CCDC171: variants seen among roughly 807,000 people sequenced by gnomAD.
CCDC171 encodes coiled-coil domain-containing protein 171.
CCDC171 carries 177 observed loss-of-function variants against 168.2 expected under a neutral mutation model. The observed-to-expected ratio is 1.05, with a 90% CI of 0.93 to 1.19. CCDC171 has a LOEUF of 1.19. Ranked by LOEUF, CCDC171 falls within the 50% of genes most tolerant of loss-of-function variation. CCDC171 has a pLI of 0.00. For missense variants in CCDC171, 1,991 were observed against 1,539.0 expected (o/e 1.29, Z -4.91); for synonymous variants, 687 against 540.8 (o/e 1.27, Z -3.75).
intron 3 of CCDC171, among the ~76,000 whole-genome samples, chr9:16,013,996 A>G (rs1832947282): frequency 6.6e-6 from 1 of 152,226 alleles, no homozygotes; most frequent in Non-Finnish European, 1.5e-5. Context: ...ATTTCTGAAA[A>G]TAAGACAACG....
At chr9:15,645,072 T>C (rs551810359) in intron 7 of CCDC171, among the ~76,000 whole-genome samples, 10 of 152,302 alleles carry the variant, frequency 6.6e-5, no homozygotes, top group African/African-American at 2.2e-4. Context: ...GGCAGCAACA[T>C]TGGCTGTTCA....
At chr9:16,076,246 A>AT in the CCDC171 span, among the ~76,000 whole-genome samples, 4 of 152,144 alleles carry the variant, frequency 2.6e-5, no homozygotes, top group African/African-American at 9.7e-5. Flanking sequence ...ACAGGTAATT[A>AT]TCCCTCAGAG....
chr9:15,597,262 G>A (rs972192551), intron 6 of CCDC171, among the ~76,000 whole-genome samples: 1 of 152,126 alleles, frequency 6.6e-6, no homozygotes, highest in Admixed American at 6.6e-5. Context: ...TGCCCATTCA[G>A]TATGATATTG....
intron 11 of CCDC171, among the ~76,000 whole-genome samples, chr9:15,703,097 G>A (rs2051899842): frequency 6.6e-6 from 1 of 152,052 alleles, no homozygotes; most frequent in African/African-American, 2.4e-5. Context: ...GTAGAGACGG[G>A]GTTTCACCAT....
intron 14 of CCDC171, 120 bp from the exon 15 acceptor site, chr9:15,727,749 C>T (rs2053900363): frequency 1.5e-6 from 1 of 650,458 alleles, no homozygotes; most frequent in Non-Finnish European, 2.3e-6. Flanking sequence ...TATTCTGAGA[C>T]TTGAGTATTG....
At chr9:15,953,267 G>A (rs1371433145) in intron 25 of CCDC171, among the ~76,000 whole-genome samples, 1 of 152,142 alleles carries the variant, frequency 6.6e-6, no homozygotes, top group Non-Finnish European at 1.5e-5. Flanking sequence ...ATCATAAAGA[G>A]AAAGCTTTCA....
intron 21 of CCDC171, among the ~76,000 whole-genome samples, chr9:15,793,272 A>G (rs2058366630): frequency 6.6e-6 from 1 of 152,034 alleles, no homozygotes; most frequent in South Asian, 2.1e-4. Flanking sequence ...AAGAAGAGCT[A>G]ACTATCCTAA....
intron 7 of CCDC171, among the ~76,000 whole-genome samples, chr9:15,638,934 A>C (rs1053930832): frequency 1.3e-5 from 2 of 152,078 alleles, no homozygotes; most frequent in Non-Finnish European, 2.9e-5. Flanking sequence ...AGAAAAGAGA[A>C]AAGAGAAGAT....
At chr9:15,683,344 A>G (rs937418594) in intron 10 of CCDC171, among the ~76,000 whole-genome samples, 5 of 151,934 alleles carry the variant, frequency 3.3e-5, no homozygotes, top group East Asian at 1.9e-4. Context: ...GGTGAAGGTA[A>G]TATTTCTTGA....
At chr9:15,999,508 G>A (rs1360727891) in intron 3 of CCDC171, among the ~76,000 whole-genome samples, 3 of 152,124 alleles carry the variant, frequency 2.0e-5, no homozygotes, top group Non-Finnish European at 4.4e-5. Context: ...GCACCCGCAC[G>A]CAGCTCGGAC....
the CCDC171 span, among the ~76,000 whole-genome samples, chr9:16,087,844 T>C: frequency 2.6e-5 from 4 of 152,168 alleles, no homozygotes; most frequent in Non-Finnish European, 5.9e-5. Context: ...ATAGTGTCAA[T>C]GGTCATTATA....
chr9:15,967,282 G>C (rs999557001), intron 25 of CCDC171, among the ~76,000 whole-genome samples: 1 of 152,180 alleles, frequency 6.6e-6, no homozygotes, highest in Admixed American at 6.5e-5. Flanking sequence ...ATCTGTTTAT[G>C]TGGAGCTGTG....
At chr9:16,103,813 G>A in the CCDC171 span, among the ~76,000 whole-genome samples, 28 of 152,286 alleles carry the variant, frequency 1.8e-4, no homozygotes, top group African/African-American at 5.8e-4. Flanking sequence ...AGTGATTTAC[G>A]GGCTTTGACG....
the CCDC171 span, among the ~76,000 whole-genome samples, chr9:16,094,149 G>A: frequency 6.6e-6 from 1 of 152,226 alleles, no homozygotes. Flanking sequence ...TGAGTACAGA[G>A]TGCACGGTGG....
intron 24 of CCDC171, among the ~76,000 whole-genome samples, chr9:15,892,754 A>T (rs1021200133): frequency 6.6e-6 from 1 of 152,166 alleles, no homozygotes; most frequent in Admixed American, 6.6e-5. Flanking sequence ...CTTCAAGGAA[A>T]ACTACAAACC....
At chr9:15,992,064 C>T (rs1392018930) in intron 3 of CCDC171, among the ~76,000 whole-genome samples, 1 of 152,196 alleles carries the variant, frequency 6.6e-6, no homozygotes, top group Admixed American at 6.5e-5. Flanking sequence ...AAGGAATCCT[C>T]CCTAACTCAT....
intron 12 of CCDC171, among the ~76,000 whole-genome samples, chr9:15,722,494 G>C (rs1399929726): frequency 6.6e-6 from 1 of 152,296 alleles, no homozygotes; most frequent in Non-Finnish European, 1.5e-5. Context: ...AATGTTTTAT[G>C]AATTTGTGCT....
In CCDC171 at chr9:15,578,952, A is replaced by C. The variant is rs2040900062; in HGVS notation, c.281A>C (p.Glu94Ala). ...TATGACCTAGCTGTTGCTAGAAAGG[A>C]AGCTGGTCTTGGAAGACGGGCTGCT... ...LEYDLAVARKEAGLGRRAAEE... is the reference protein window; with the variant it reads ...LEYDLAVARKAAGLGRRAAEE... Residue 94 changes from glutamate (E) to alanine (A), a missense_variant, in exon 4 of 26, where the codon GAA (glutamate) becomes GCA (alanine). Coordinates refer to ENST00000380701, the MANE Select transcript of CCDC171 (RefSeq NM_173550.4). 1 of 1,613,964 alleles carries C rather than the reference A, an allele frequency of 6.2e-7. No individual in the cohort carries two copies.
chr9:15,744,337 AGTTG>A lies in CCDC171; in HGVS notation c.2118_2121del (p.Leu706PhefsTer27). On this transcript the variant is annotated frameshift_variant, in exon 17 of 26. Transcript: ENST00000380701. LOFTEE classifies it high-confidence loss of function. ...AACCATATTGAGAAGTCACATGAAC[AGTTG>A]GTTCTTGAAAATTCGCACTTCAAAA... The A allele has an allele frequency of 6.2e-7, 1 of 1,613,768 alleles. No individual in the cohort carries two copies. Among genetic ancestry groups the A allele is most frequent in the Non-Finnish European group, 8.5e-7 (1 of 1,179,826 alleles).
Sources: gnomAD v4.1 joint callset for allele counts (sites outside exome capture counted in the v4.1 genomes callset) on GRCh38, gnomAD v4.1.1 for gene constraint, MANE v1.5 for transcripts, NCBI Gene and HGNC (gene_info 2026-07-23, HGNC 2026-07-21) for gene names.